Variants in C16orf74 observed in about 807,000 individuals in gnomAD.
The protein encoded by C16orf74 is calcimembrin.
In C16orf74, 10 loss-of-function variants were observed where a neutral mutation model predicts 6.5. The ratio of observed to expected loss-of-function variants is 1.54; its 90% CI spans 0.95 to 2.61. The LOEUF (loss-of-function observed/expected upper bound fraction) is 2.61, where lower values mean the gene tolerates loss of function less well. Among genes scored for constraint, C16orf74 ranks in the 30% most tolerant of loss-of-function variants. The probability of loss-of-function intolerance (pLI) is 0.00; values close to 1 mark genes in which losing one functional copy is unlikely to be tolerated. For missense variants in C16orf74, 141 were observed against 105.9 expected, an observed-to-expected ratio of 1.33 and a Z score of -1.45; for synonymous variants, 60 against 42.5, an observed-to-expected ratio of 1.41 and a Z score of -1.60.
intron 2 of C16orf74, among the ~76,000 whole-genome samples, chr16:85,715,544 G>T (rs1378651427): frequency 6.6e-6 from 1 of 152,148 alleles, no homozygotes; most frequent in Admixed American, 6.5e-5. Flanking sequence ...TCTGCAAGGG[G>T]CCAGGCAGGA....
At chr16:85,740,448 A>C (rs2054292378) in intron 1 of C16orf74, among the ~76,000 whole-genome samples, 1 of 151,884 alleles carries the variant, frequency 6.6e-6, no homozygotes, top group African/African-American at 2.4e-5. Flanking sequence ...CACGCCTGTA[A>C]TCCCAGCACT....
intron 2 of C16orf74, among the ~76,000 whole-genome samples, chr16:85,733,220 G>A (rs374123239): frequency 5.9e-5 from 9 of 152,234 alleles, no homozygotes; most frequent in Middle Eastern, 6.3e-3. Context: ...TTATTCAGCC[G>A]TGAAAAGGAA....
chr16:85,710,079 C>T lies in C16orf74; in HGVS notation c.172+85G>A, dbSNP rs1185227322. 5.8e-6 allele frequency: 7 copies of T among 1,198,110 alleles called. No individual in the cohort carries two copies. In the African/African-American group the frequency reaches 9.7e-5, roughly 17 times the overall value. The allele number at this position is 1,198,110 out of a possible 1,614,324, so 74.2% of individuals were successfully genotyped here. A position where few individuals can be genotyped will look rare whatever the true frequency, so the allele number is the denominator to read the frequency against. ...GGAGGTGGGGACGCAAGCTAGGCCCCGTGGCCAGGAAGGACGCCCCTGAGA... is the reference window on the plus strand; with the variant it reads ...GGAGGTGGGGACGCAAGCTAGGCCCTGTGGCCAGGAAGGACGCCCCTGAGA... On this transcript the variant is annotated intron_variant, in intron 3 of 3. Coordinates refer to ENST00000284245, the MANE Select transcript of C16orf74 (RefSeq NM_206967.3).
At chr16:85,735,376 T>A in intron 1 of C16orf74, 141 bp from the exon 2 acceptor site, 1 of 473,382 alleles carries the variant, frequency 2.1e-6, no homozygotes, top group East Asian at 3.6e-5. Context: ...CTCCAGGTCA[T>A]GCCACCTGTC....
chr16:85,744,829 CAAA>C (rs11436332), intron 1 of C16orf74, among the ~76,000 whole-genome samples: 113 of 59,380 alleles, frequency 1.9e-3, no homozygotes, highest in African/African-American at 7.7e-3. Context: ...GACTCCATCT[CAAA>C]AAAAAAAAAA....
intron 1 of C16orf74, among the ~76,000 whole-genome samples, chr16:85,739,445 T>A (rs2054279434): frequency 6.6e-6 from 1 of 152,194 alleles, no homozygotes; most frequent in South Asian, 2.1e-4. Context: ...GAATGATGTC[T>A]GGAATTTGCT....
At chr16:85,739,029 G>C (rs1218740913) in intron 1 of C16orf74, among the ~76,000 whole-genome samples, 1 of 152,206 alleles carries the variant, frequency 6.6e-6, no homozygotes, top group Non-Finnish European at 1.5e-5. Context: ...AAGTCTTGGA[G>C]TCCCCAGGGG....
At chr16:85,734,204 T>C (rs530382671) in intron 2 of C16orf74, among the ~76,000 whole-genome samples, 1 of 152,284 alleles carries the variant, frequency 6.6e-6, no homozygotes, top group South Asian at 2.1e-4. Context: ...AAGGAAATAG[T>C]ACAATTAATT....
chr16:85,748,887 C>T (rs192713241), intron 1 of C16orf74, among the ~76,000 whole-genome samples: 1 of 151,470 alleles, frequency 6.6e-6, no homozygotes, highest in African/African-American at 2.4e-5. Flanking sequence ...TGCCCTTAGC[C>T]AAGGGGAGTG....
chr16:85,736,142 C>G (rs1167162558), intron 1 of C16orf74, among the ~76,000 whole-genome samples: 1 of 152,116 alleles, frequency 6.6e-6, no homozygotes, highest in Non-Finnish European at 1.5e-5. Context: ...GATGGGAGGT[C>G]AGGCAGGAAC....
intron 2 of C16orf74, among the ~76,000 whole-genome samples, chr16:85,725,771 T>C (rs774122252): frequency 1.3e-5 from 2 of 152,144 alleles, no homozygotes; most frequent in Non-Finnish European, 2.9e-5. Flanking sequence ...ACCCAACTAA[T>C]GTTTCTATTC....
chr16:85,726,918 G>A (rs1016595324), intron 2 of C16orf74, among the ~76,000 whole-genome samples: 3 of 152,148 alleles, frequency 2.0e-5, no homozygotes, highest in Admixed American at 6.5e-5. Context: ...CCCCTTCCCC[G>A]CTCTGTGCCA....
chr16:85,750,215 T>G (rs1159420121), intron 1 of C16orf74, among the ~76,000 whole-genome samples: 1 of 152,136 alleles, frequency 6.6e-6, no homozygotes, highest in Non-Finnish European at 1.5e-5. Flanking sequence ...CTCCAAAGCC[T>G]GTCGAGCCTG....
chr16:85,750,579 A>C (rs1004618005), intron 1 of C16orf74, among the ~76,000 whole-genome samples: 1 of 152,158 alleles, frequency 6.6e-6, no homozygotes, highest in African/African-American at 2.4e-5. Flanking sequence ...TCCAGCTCTC[A>C]GGAATGGCGT....
chr16:85,709,344 ACTCCATCTC>A (rs2053943990), intron 3 of C16orf74, among the ~76,000 whole-genome samples: 1 of 151,880 alleles, frequency 6.6e-6, no homozygotes, highest in African/African-American at 2.4e-5. Context: ...ACAAAGCAAC[ACTCCATCTC>A]AAAAAAATAA....
intron 2 of C16orf74, among the ~76,000 whole-genome samples, chr16:85,732,516 A>G (rs1374565726): frequency 6.6e-6 from 1 of 151,308 alleles, no homozygotes; most frequent in Admixed American, 6.6e-5. Flanking sequence ...AAATACAAAA[A>G]TTAGCTGGGC....
intron 2 of C16orf74, among the ~76,000 whole-genome samples, chr16:85,730,470 G>T (rs997739660): frequency 2.6e-5 from 4 of 151,972 alleles, no homozygotes; most frequent in African/African-American, 9.7e-5. Flanking sequence ...GAAGGGAAAG[G>T]AGGGCAGCAA....
intron 2 of C16orf74, among the ~76,000 whole-genome samples, chr16:85,717,609 C>T (rs927061515): frequency 4.6e-5 from 7 of 152,146 alleles, no homozygotes; most frequent in Admixed American, 1.3e-4. Context: ...GGTGCCGTGC[C>T]GCCTCTCCGC....
intron 1 of C16orf74, among the ~76,000 whole-genome samples, chr16:85,749,663 CT>C (rs1294995326): frequency 5.3e-5 from 8 of 152,356 alleles, no homozygotes; most frequent in African/African-American, 1.9e-4. Context: ...AACGCAGGGT[CT>C]GGTGCATGAG....
Sources: gnomAD v4.1 joint callset for allele counts (sites outside exome capture counted in the v4.1 genomes callset) on GRCh38, gnomAD v4.1.1 for gene constraint, MANE v1.5 for transcripts, NCBI Gene and HGNC (gene_info 2026-07-23, HGNC 2026-07-21) for gene names.